SEMA3A: variants seen among roughly 807,000 people sequenced by gnomAD.
SEMA3A encodes the protein semaphorin 3A.
A neutral mutation model predicts 97.9 loss-of-function variants in SEMA3A; 29 were observed. The observed-to-expected ratio is 0.30, with a 90% confidence interval of 0.22 to 0.40. SEMA3A has a LOEUF of 0.40. Ranked by LOEUF, SEMA3A falls within the 10% of genes least tolerant of loss-of-function variation. SEMA3A has a pLI of 1.00. For synonymous variants in SEMA3A, 321 were observed against 323.7 expected, an observed-to-expected ratio of 0.99 and a Z score of 0.09; for missense variants, 763 against 951.3, an observed-to-expected ratio of 0.80 and a Z score of 2.60.
chr7:84,096,754 AC>A, intron 4 of SEMA3A, among the ~76,000 whole-genome samples: 1 of 152,164 alleles, frequency 6.6e-6, no homozygotes, highest in East Asian at 1.9e-4. Flanking sequence ...CCTCTGATGC[AC>A]CTTATAAAGC....
At chr7:84,430,394 T>C (rs957167764) in intron 1 of SEMA3A, among the ~76,000 whole-genome samples, 2 of 151,976 alleles carry the variant, frequency 1.3e-5, no homozygotes, top group African/African-American at 4.8e-5. Context: ...ATAAGAACTA[T>C]TAAATTCTCA....
intron 3 of SEMA3A, among the ~76,000 whole-genome samples, chr7:84,236,819 T>C (rs940601864): frequency 3.3e-5 from 5 of 152,104 alleles, no homozygotes; most frequent in Non-Finnish European, 5.9e-5. Context: ...ATTTATGGAG[T>C]GTACATCTGA....
chr7:84,436,473 G>T (rs2116330414), intron 1 of SEMA3A, among the ~76,000 whole-genome samples: 1 of 152,136 alleles, frequency 6.6e-6, no homozygotes, highest in South Asian at 2.1e-4. Flanking sequence ...AGGAACTTAA[G>T]CAATTCAATA....
chr7:84,046,250 C>G, intron 6 of SEMA3A, 74 bp downstream of exon 6: 1 of 1,540,676 alleles, frequency 6.5e-7, no homozygotes, highest in Non-Finnish European at 8.9e-7. Flanking sequence ...ATTGCATGTA[C>G]TGTAAAAGAG....
chr7:84,211,286 C>T (rs141373951), intron 3 of SEMA3A, among the ~76,000 whole-genome samples: 22 of 151,966 alleles, frequency 1.4e-4, no homozygotes, highest in African/African-American at 5.3e-4. Context: ...TGAAAGGTTG[C>T]GTAAAGAGGA....
chr7:84,361,378 G>A (rs1245536083), intron 2 of SEMA3A, among the ~76,000 whole-genome samples: 5 of 151,666 alleles, frequency 3.3e-5, no homozygotes, highest in African/African-American at 4.8e-5. Context: ...CCTGAACAAG[G>A]GAAAGAAATA....
chr7:84,480,705 C>G (rs1806421923), intron 1 of SEMA3A, among the ~76,000 whole-genome samples: 1 of 152,078 alleles, frequency 6.6e-6, no homozygotes, highest in African/African-American at 2.4e-5. Context: ...GAAGTGTCCT[C>G]TTTTTAAAAC....
intron 2 of SEMA3A, among the ~76,000 whole-genome samples, chr7:84,369,077 C>T (rs1584269807): frequency 6.6e-6 from 1 of 150,574 alleles, no homozygotes; most frequent in South Asian, 2.1e-4. Flanking sequence ...ACTCATGTTG[C>T]CAAAACTGAA....
chr7:84,380,200 T>G (rs1297641566), intron 1 of SEMA3A, among the ~76,000 whole-genome samples: 1 of 152,188 alleles, frequency 6.6e-6, no homozygotes, highest in Non-Finnish European at 1.5e-5. Context: ...TAAAGAGCTA[T>G]TTTCCTGGAT....
chr7:84,155,030 G>A (rs751825833), intron 1 of SEMA3A, among the ~76,000 whole-genome samples: 2 of 152,112 alleles, frequency 1.3e-5, no homozygotes, highest in Non-Finnish European at 2.9e-5. Context: ...TTTGAGAGCT[G>A]TGGAATCCTT....
intron 1 of SEMA3A, among the ~76,000 whole-genome samples, chr7:84,411,612 GA>G (rs921331898): frequency 6.6e-6 from 1 of 151,112 alleles, no homozygotes; most frequent in Non-Finnish European, 1.5e-5. Context: ...AAAAATAACT[GA>G]AAAAATGCAG....
At chr7:83,991,248 G>T (rs549260022) in intron 12 of SEMA3A, among the ~76,000 whole-genome samples, 1 of 151,924 alleles carries the variant, frequency 6.6e-6, no homozygotes, top group Non-Finnish European at 1.5e-5. Context: ...CTAGATATAC[G>T]ATCATGTCGT....
chr7:84,134,904 T>A lies in SEMA3A; in HGVS notation c.160A>T (p.Ser54Cys). Residue 54 changes from serine to cysteine, a missense_variant, in exon 2 of 17, where the codon AGC becomes TGC. Coordinates refer to ENST00000265362, the MANE Select transcript of SEMA3A (RefSeq NM_006080.3). Reference protein sequence around the residue: ...NVITFNGLANSSSYHTFLLDE... With the variant: ...NVITFNGLANCSSYHTFLLDE... ...AAAAGGAAGGTATGATAACTGGAGC[T>A]GTTGGCCAAGCCATTGAAAGTGATC... is the stretch of plus-strand genomic sequence containing the variant. 1 of 1,614,012 alleles carries A rather than the reference T, an allele frequency of 6.2e-7. No homozygotes were observed. The highest frequency in any genetic ancestry group is 8.5e-7 in the Non-Finnish European group (1 of 1,179,946).
At chr7:84,143,806 A>AAAAG (rs1796371198) in intron 1 of SEMA3A, among the ~76,000 whole-genome samples, 2 of 152,106 alleles carry the variant, frequency 1.3e-5, no homozygotes, top group African/African-American at 4.8e-5. Context: ...TGTCAAAAAA[A>AAAAG]AAAAGAAAAG....
chr7:84,231,184 T>C (rs1277712964), intron 3 of SEMA3A, among the ~76,000 whole-genome samples: 2 of 152,030 alleles, frequency 1.3e-5, no homozygotes, highest in Non-Finnish European at 1.5e-5. Context: ...TACTGAAATG[T>C]TTCATTTACA....
At chr7:84,314,515 T>C (rs555142539) in intron 2 of SEMA3A, among the ~76,000 whole-genome samples, 11 of 152,268 alleles carry the variant, frequency 7.2e-5, no homozygotes, top group Non-Finnish European at 1.3e-4. Flanking sequence ...ATGTCTCAGA[T>C]TGGGGTTGGT....
intron 3 of SEMA3A, among the ~76,000 whole-genome samples, chr7:84,268,451 G>A (rs897356727): frequency 2.6e-5 from 4 of 152,020 alleles, no homozygotes; most frequent in Admixed American, 2.6e-4. Flanking sequence ...GGGCCCAGGT[G>A]AAAATGAGAG....
intron 15 of SEMA3A, among the ~76,000 whole-genome samples, chr7:83,966,332 T>A (rs1343465824): frequency 1.3e-5 from 2 of 152,194 alleles, no homozygotes; most frequent in East Asian, 3.9e-4. Flanking sequence ...TTGTTTTTAG[T>A]TTAATATACT....
chr7:84,270,418 C>G (rs1800114551), intron 3 of SEMA3A, among the ~76,000 whole-genome samples: 1 of 151,706 alleles, frequency 6.6e-6, no homozygotes, highest in Admixed American at 6.6e-5. Flanking sequence ...ATAAATCCAT[C>G]TCCTTAGTTA....
Sources: allele counts gnomAD v4.1 joint callset (sites outside exome capture counted in the v4.1 genomes callset), GRCh38; gene constraint gnomAD v4.1.1; transcripts MANE v1.5; gene names NCBI Gene and HGNC (gene_info 2026-07-23, HGNC 2026-07-21).